Variants in PCDH9 observed in about 807,000 individuals in gnomAD.
PCDH9 encodes protocadherin 9.
A neutral mutation model predicts 70.6 loss-of-function variants in PCDH9; 24 were observed. The observed-to-expected ratio is 0.34, with a 90% CI of 0.25 to 0.48. The LOEUF is 0.48. PCDH9 is among the 20% of genes least tolerant of loss of function. The probability of loss-of-function intolerance (pLI) is 0.99; values close to 1 mark genes in which losing one functional copy is unlikely to be tolerated. For synonymous variants in PCDH9, 562 were observed against 558.5 expected, an observed-to-expected ratio of 1.01 and a Z score of -0.09; for missense variants, 1,281 against 1,503.6, an observed-to-expected ratio of 0.85 and a Z score of 2.45.
chr13:66,854,047 C>A (rs1225323576), intron 3 of PCDH9, among the ~76,000 whole-genome samples: 1 of 152,120 alleles, frequency 6.6e-6, no homozygotes, highest in Admixed American at 6.5e-5. Flanking sequence ...ATTCAAAAAT[C>A]AAAGAAGCAC....
chr13:66,656,167 C>A (rs1184887238), intron 3 of PCDH9, among the ~76,000 whole-genome samples: 1 of 151,322 alleles, frequency 6.6e-6, no homozygotes, highest in Non-Finnish European at 1.5e-5. Flanking sequence ...AACTTCTTGT[C>A]AGCAGGCCAT....
intron 3 of PCDH9, among the ~76,000 whole-genome samples, chr13:66,730,874 G>GTT (rs1566154009): frequency 2.2e-4 from 5 of 22,718 alleles, no homozygotes; most frequent in African/African-American, 5.2e-4. Context: ...TTGTGTGTGT[G>GTT]TGTTTTTTTT....
intron 4 of PCDH9, among the ~76,000 whole-genome samples, chr13:66,585,574 A>T (rs930179055): frequency 1.3e-5 from 2 of 152,096 alleles, no homozygotes; most frequent in Admixed American, 6.6e-5. Context: ...ATATTTCAGC[A>T]ATCAGATCCC....
intron 3 of PCDH9, among the ~76,000 whole-genome samples, chr13:66,770,179 T>C (rs2079783956): frequency 6.6e-6 from 1 of 152,040 alleles, no homozygotes; most frequent in African/African-American, 2.4e-5. Flanking sequence ...AGATACTACT[T>C]ATATAATTTA....
intron 3 of PCDH9, among the ~76,000 whole-genome samples, chr13:66,799,263 C>T (rs193072084): frequency 3.3e-5 from 5 of 152,222 alleles, no homozygotes; most frequent in African/African-American, 7.2e-5. Context: ...ATAGTCTATG[C>T]GGTCAAGTGG....
At chr13:66,381,665 G>A (rs962730639) in intron 4 of PCDH9, among the ~76,000 whole-genome samples, 4 of 152,150 alleles carry the variant, frequency 2.6e-5, no homozygotes, top group Admixed American at 1.3e-4. Context: ...AAACAAAGGC[G>A]AAGGCAATGA....
intron 4 of PCDH9, among the ~76,000 whole-genome samples, chr13:66,460,581 A>T (rs1430333480): frequency 6.6e-6 from 1 of 151,930 alleles, no homozygotes; most frequent in Admixed American, 6.6e-5. Flanking sequence ...AGGGACTGCA[A>T]AGCATTGAAT....
chr13:66,602,374 T>G lies in PCDH9; in HGVS notation c.3340+28836A>C, dbSNP rs73515818. Among the ~76,000 whole-genome samples, 970 of 146,092 alleles carry G rather than the reference T, an allele frequency of 6.6e-3. 74 individuals are homozygous for G. The highest frequency in any genetic ancestry group is 0.022 in the African/African-American group (907 of 40,556). On this transcript the variant is annotated intron_variant, in intron 4 of 4. Transcript: ENST00000377865. ...GGAGATAACAGCTCCATACATGTTA[T>G]TGCCTCTGAAGACCTTGCAGTGGGA...
chr13:66,688,147 C>T (rs4884688), intron 3 of PCDH9, among the ~76,000 whole-genome samples: 48,707 of 151,904 alleles, frequency 0.32, 8,541 homozygotes, highest in East Asian at 0.51. Flanking sequence ...AAGACACTTT[C>T]ATTCTGTCTT....
chr13:66,989,472 A>G (rs2083958666), intron 2 of PCDH9, among the ~76,000 whole-genome samples: 1 of 151,998 alleles, frequency 6.6e-6, no homozygotes, highest in East Asian at 1.9e-4. Flanking sequence ...TATTTGAGAA[A>G]CAGAATAAAA....
At chr13:66,675,925 C>G (rs920359296) in intron 3 of PCDH9, among the ~76,000 whole-genome samples, 1 of 152,044 alleles carries the variant, frequency 6.6e-6, no homozygotes, top group East Asian at 1.9e-4. Context: ...ATTATTGTCT[C>G]TACTTTTATT....
chr13:66,797,995 G>A (rs1405764815), intron 3 of PCDH9, among the ~76,000 whole-genome samples: 2 of 150,594 alleles, frequency 1.3e-5, no homozygotes, highest in African/African-American at 4.9e-5. Flanking sequence ...AAGAAAGGGA[G>A]GGAAGAAAAA....
At chr13:66,979,000 T>C (rs956539015) in intron 2 of PCDH9, among the ~76,000 whole-genome samples, 7 of 151,980 alleles carry the variant, frequency 4.6e-5, no homozygotes, top group African/African-American at 1.7e-4. Flanking sequence ...ACATACATTT[T>C]ATTTATAAGG....
At chr13:66,605,116 A>G (rs2077207792) in intron 4 of PCDH9, among the ~76,000 whole-genome samples, 2 of 152,078 alleles carry the variant, frequency 1.3e-5, no homozygotes, top group African/African-American at 4.8e-5. Context: ...TATACCACAT[A>G]TATCATCTCT....
At chr13:66,589,416 C>A (rs1162224560) in intron 4 of PCDH9, among the ~76,000 whole-genome samples, 1 of 152,066 alleles carries the variant, frequency 6.6e-6, no homozygotes, top group African/African-American at 2.4e-5. Flanking sequence ...TTACCCCGAT[C>A]TGATCATTCT....
At chr13:67,095,842 C>A (rs1223563787) in intron 2 of PCDH9, among the ~76,000 whole-genome samples, 2 of 152,000 alleles carry the variant, frequency 1.3e-5, no homozygotes, top group Non-Finnish European at 2.9e-5. Context: ...AACACAAGGT[C>A]AAAATAACTA....
chr13:67,157,443 A>C (rs191431375), intron 2 of PCDH9, among the ~76,000 whole-genome samples: 2 of 152,226 alleles, frequency 1.3e-5, no homozygotes, highest in African/African-American at 4.8e-5. Context: ...ACTAAGGGCA[A>C]GTTTAAGAAT....
intron 2 of PCDH9, among the ~76,000 whole-genome samples, chr13:67,169,897 A>G (rs1001962453): frequency 3.9e-5 from 6 of 152,202 alleles, no homozygotes; most frequent in Non-Finnish European, 7.3e-5. Flanking sequence ...CTCACTGACT[A>G]TTTCAAATTA....
At chr13:66,736,364 G>GT (rs2079148850) in intron 3 of PCDH9, among the ~76,000 whole-genome samples, 1 of 152,174 alleles carries the variant, frequency 6.6e-6, no homozygotes, top group Non-Finnish European at 1.5e-5. Context: ...GGGACACCAG[G>GT]TATGCACATT....
Sources: allele counts gnomAD v4.1 joint callset (sites outside exome capture counted in the v4.1 genomes callset), GRCh38; gene constraint gnomAD v4.1.1; transcripts MANE v1.5; gene names NCBI Gene and HGNC (gene_info 2026-07-23, HGNC 2026-07-21).